Variants in HMGA2 observed in about 807,000 individuals in gnomAD.
HMGA2 encodes high mobility group AT-hook 2.
A neutral mutation model predicts 19.1 loss-of-function variants in HMGA2; 8 were observed. The ratio of observed to expected loss-of-function variants is 0.42; its 90% CI spans 0.25 to 0.76. The LOEUF is 0.76. HMGA2 is among the 30% of genes least tolerant of loss of function. HMGA2 has a pLI of 0.28. For synonymous variants in HMGA2, 60 were observed against 48.8 expected, an observed-to-expected ratio of 1.23 and a Z score of -0.96; for missense variants, 109 against 136.3, an observed-to-expected ratio of 0.80 and a Z score of 1.00.
At chr12:65,935,691 G>A (rs1453825319) in intron 3 of HMGA2, among the ~76,000 whole-genome samples, 1 of 152,086 alleles carries the variant, frequency 6.6e-6, no homozygotes, top group African/African-American at 2.4e-5. Flanking sequence ...TTCTAATTTT[G>A]TAACTTGCTG....
Position 65,881,750 on chromosome 12 carries a change from T to A in HMGA2, c.249+43181T>A, listed in dbSNP as rs905106985. The A allele has an allele frequency of 1.1e-5, 8 of 702,954 alleles. No homozygotes were observed. The African/African-American group carries it at 1.4e-4, about 12-fold the overall frequency. 43.5% of individuals were successfully genotyped at this position (702,954 alleles called of 1,614,324 possible). A position where few individuals can be genotyped will look rare whatever the true frequency, so the allele number is the denominator to read the frequency against. On this transcript the variant is annotated intron_variant, in intron 3 of 4. Transcript: ENST00000403681. Reference sequence around the variant, plus strand: ...GCACACATTCCCTCCCAGTGGTTGCTAATGAAGAGCCCGTGCTGGTGAAGG... The same window carrying A: ...GCACACATTCCCTCCCAGTGGTTGCAAATGAAGAGCCCGTGCTGGTGAAGG...
chr12:65,902,313 T>C (rs971127165), intron 3 of HMGA2, among the ~76,000 whole-genome samples: 3 of 152,204 alleles, frequency 2.0e-5, no homozygotes, highest in Non-Finnish European at 4.4e-5. Context: ...TGTTATGTGC[T>C]ACATTCTATA....
intron 3 of HMGA2, chr12:65,915,319 G>A: frequency 3.6e-6 from 5 of 1,407,882 alleles, no homozygotes; most frequent in Non-Finnish European, 4.6e-6. Context: ...CCAAGATGTA[G>A]TTTCACTGCT....
At chr12:65,905,958 G>T (rs1874573126) in intron 3 of HMGA2, among the ~76,000 whole-genome samples, 1 of 138,836 alleles carries the variant, frequency 7.2e-6, no homozygotes, top group African/African-American at 3.1e-5. Flanking sequence ...ACATGATATT[G>T]TTTCCCAAGT....
chr12:65,853,962 A>G (rs903886053), intron 3 of HMGA2, among the ~76,000 whole-genome samples: 4 of 152,262 alleles, frequency 2.6e-5, no homozygotes, highest in African/African-American at 9.6e-5. Flanking sequence ...TGTATTTACA[A>G]CAAGGCTTCC....
intron 3 of HMGA2, among the ~76,000 whole-genome samples, chr12:65,840,463 T>G (rs1870948884): frequency 6.6e-6 from 1 of 152,156 alleles, no homozygotes; most frequent in African/African-American, 2.4e-5. Flanking sequence ...TGGGAGTGCG[T>G]GCACTGGATC....
intron 3 of HMGA2, among the ~76,000 whole-genome samples, chr12:65,839,353 TG>T (rs1043140633): frequency 6.6e-6 from 1 of 152,174 alleles, no homozygotes; most frequent in African/African-American, 2.4e-5. Context: ...TAAAAATGAA[TG>T]AAATCGTTTC....
Position 65,948,890 on chromosome 12 carries a change from T to G in HMGA2, c.250-2493T>G, listed in dbSNP as rs546167998. On this transcript the variant is annotated intron_variant, in intron 3 of 4. Coordinates refer to ENST00000403681, the MANE Select transcript of HMGA2 (RefSeq NM_003483.6). Reference sequence around the variant, plus strand: ...TGAGCTGCAGTGTGCAGGAGTCACATGAATGCGGGAGCCTCTGCCAAAAAA... The same window carrying G: ...TGAGCTGCAGTGTGCAGGAGTCACAGGAATGCGGGAGCCTCTGCCAAAAAA... Among the ~76,000 whole-genome samples the G allele has an allele frequency of 8.0e-4, 122 of 152,286 alleles. 1 individual carries two copies. The highest frequency in any genetic ancestry group is 3.4e-4 in the Non-Finnish European group (23 of 68,030).
intron 3 of HMGA2, among the ~76,000 whole-genome samples, chr12:65,899,221 TAA>T (rs1333102254): frequency 6.6e-6 from 1 of 152,202 alleles, no homozygotes; most frequent in Non-Finnish European, 1.5e-5. Context: ...GATGAAAACT[TAA>T]AAGTTTAGTT....
At chr12:65,932,900 T>C (rs1390391127) in intron 3 of HMGA2, among the ~76,000 whole-genome samples, 1 of 152,194 alleles carries the variant, frequency 6.6e-6, no homozygotes, top group Non-Finnish European at 1.5e-5. Flanking sequence ...AAACAATTAT[T>C]GCAATGACTA....
At chr12:65,946,889 C>CTTTCCT (rs1876284062) in intron 3 of HMGA2, among the ~76,000 whole-genome samples, 1 of 152,120 alleles carries the variant, frequency 6.6e-6, no homozygotes, top group East Asian at 1.9e-4. Flanking sequence ...AAAATATGTC[C>CTTTCCT]TTTCCTTTTG....
At chr12:65,842,667 G>T in intron 3 of HMGA2, 1 of 1,531,014 alleles carries the variant, frequency 6.5e-7, no homozygotes, top group South Asian at 1.2e-5. Flanking sequence ...TCATCAGTTT[G>T]AAAAGAAGTA....
rs1009368135 is a variant in HMGA2 at position 65,842,069 on chromosome 12, T to C, written c.249+3500T>C. 4.2e-5 allele frequency: 54 copies of C among 1,279,880 alleles called. No homozygotes were observed. In the African/African-American group the frequency reaches 6.9e-4, roughly 16 times the overall value. The allele number at this position is 1,279,880 out of a possible 1,614,324, so 79.3% of individuals were successfully genotyped here. ...TATGAGGTGGTCTGATTTTCATGTG[T>C]GTGCGTGTGTGTGTAGAAGAGGCTA... is the stretch of plus-strand genomic sequence containing the variant. On this transcript the variant is annotated intron_variant, in intron 3 of 4. Coordinates refer to ENST00000403681, the MANE Select transcript of HMGA2 (RefSeq NM_003483.6).
At chr12:65,871,912 C>T (rs1872728779) in intron 3 of HMGA2, among the ~76,000 whole-genome samples, 1 of 152,198 alleles carries the variant, frequency 6.6e-6, no homozygotes, top group Non-Finnish European at 1.5e-5. Context: ...CAGAAAATAA[C>T]CAATTGCCTT....
At chr12:65,874,134 G>A (rs1872851530) in intron 3 of HMGA2, 1 of 152,068 alleles carries the variant, frequency 6.6e-6, no homozygotes, top group Non-Finnish European at 1.5e-5. Context: ...ACACCAGCTT[G>A]TTGGGAATAA....
At chr12:65,914,274 A>G (rs1321879690) in intron 3 of HMGA2, among the ~76,000 whole-genome samples, 1 of 152,132 alleles carries the variant, frequency 6.6e-6, no homozygotes, top group Admixed American at 6.5e-5. Context: ...CTGGATTAAG[A>G]AAATGTGGCA....
chr12:65,829,476 G>A (rs1870379934), intron 2 of HMGA2, among the ~76,000 whole-genome samples: 1 of 151,850 alleles, frequency 6.6e-6, no homozygotes, highest in African/African-American at 2.4e-5. Flanking sequence ...ATTTTACCAA[G>A]GAGTTTTTCT....
At chr12:65,934,620 T>C (rs1448924492) in intron 3 of HMGA2, among the ~76,000 whole-genome samples, 1 of 152,166 alleles carries the variant, frequency 6.6e-6, no homozygotes. Context: ...ATGTCATCTG[T>C]TTGTGATGAG....
chr12:65,886,861 A>T (rs1180875227), intron 3 of HMGA2, among the ~76,000 whole-genome samples: 2 of 152,128 alleles, frequency 1.3e-5, no homozygotes, highest in Non-Finnish European at 2.9e-5. Flanking sequence ...CTTATCTTGA[A>T]CATACTCTTG....
Sources: gnomAD v4.1 joint callset for allele counts (sites outside exome capture counted in the v4.1 genomes callset) on GRCh38, gnomAD v4.1.1 for gene constraint, MANE v1.5 for transcripts, NCBI Gene and HGNC (gene_info 2026-07-23, HGNC 2026-07-21) for gene names.